Variants in UBE3A observed in about 807,000 individuals in gnomAD.
UBE3A encodes ubiquitin protein ligase E3A, also known as ubiquitin-protein ligase E3A.
A neutral mutation model predicts 83.4 loss-of-function variants in UBE3A; 6 were observed. That is an observed-to-expected ratio of 0.07 (90% CI 0.04 to 0.14). UBE3A has a LOEUF of 0.14. UBE3A is among the 10% of genes least tolerant of loss of function. The probability of loss-of-function intolerance (pLI) is 1.00; values close to 1 mark genes in which losing one functional copy is unlikely to be tolerated. For missense variants in UBE3A, 456 were observed against 1,036.1 expected, an observed-to-expected ratio of 0.44 and a Z score of 7.69; for synonymous variants, 337 against 355.4, an observed-to-expected ratio of 0.95 and a Z score of 0.58.
chr15:25,408,714 A>G, intron 3 of UBE3A: 1 of 1,541,598 alleles, frequency 6.5e-7, no homozygotes, highest in South Asian at 1.2e-5. Context: ...TAGTTTTATT[A>G]ATGTTATAAA....
At chr15:25,339,546 C>G in intron 12 of UBE3A, 1 of 296,986 alleles carries the variant, frequency 3.4e-6, no homozygotes, top group Non-Finnish European at 6.3e-6. Flanking sequence ...CTAAATCTTT[C>G]CACAACAAAA....
chr15:25,423,933 C>T (rs1253569079), intron 1 of UBE3A, among the ~76,000 whole-genome samples: 18 of 152,148 alleles, frequency 1.2e-4, no homozygotes, highest in Non-Finnish European at 1.5e-5. Context: ...TCTCACCACC[C>T]TCACTGTGAC....
chr15:25,404,637 ATCC>A (rs1322526350), intron 4 of UBE3A, among the ~76,000 whole-genome samples: 1 of 151,976 alleles, frequency 6.6e-6, no homozygotes, highest in African/African-American at 2.4e-5. Context: ...TTTCTCTTCA[ATCC>A]TTTCTCTCTT....
chr15:25,380,733 C>T (rs2082041381), intron 4 of UBE3A, among the ~76,000 whole-genome samples: 1 of 152,160 alleles, frequency 6.6e-6, no homozygotes, highest in African/African-American at 2.4e-5. Flanking sequence ...AATTTCTTCA[C>T]ATTCCATTGA....
At chr15:25,339,376 A>G in intron 12 of UBE3A, 119 bp from the exon 13 acceptor site, 2 of 1,264,000 alleles carry the variant, frequency 1.6e-6, no homozygotes, top group African/African-American at 1.5e-5. Flanking sequence ...TGCAAACTAT[A>G]CATTAATGCA....
chr15:25,384,885 G>A (rs2082837538), intron 4 of UBE3A, among the ~76,000 whole-genome samples: 1 of 152,104 alleles, frequency 6.6e-6, no homozygotes, highest in South Asian at 2.1e-4. Flanking sequence ...AACTGTATTG[G>A]GAAATCTGGA....
intron 4 of UBE3A, among the ~76,000 whole-genome samples, chr15:25,384,981 A>G (rs914873896): frequency 1.3e-5 from 2 of 152,210 alleles, no homozygotes; most frequent in African/African-American, 4.8e-5. Context: ...ACCTAAACTT[A>G]AAACATCGAA....
intron 11 of UBE3A, among the ~76,000 whole-genome samples, chr15:25,344,755 AAATGGCACCC>A (rs1180217241): frequency 1.3e-5 from 2 of 152,190 alleles, no homozygotes; most frequent in African/African-American, 4.8e-5. Flanking sequence ...CAAGGTAATC[AAATGGCACCC>A]AATGATGAGA....
At chr15:25,377,556 T>C (rs1395069123) in intron 4 of UBE3A, among the ~76,000 whole-genome samples, 1 of 152,154 alleles carries the variant, frequency 6.6e-6, no homozygotes, top group Admixed American at 6.6e-5. Context: ...TATATATTGC[T>C]ACCCTTCAGT....
Position 25,338,929 on chromosome 15 carries a change from G to T in UBE3A, c.*208C>A. The T allele has an allele frequency of 2.9e-6, 1 of 341,970 alleles. No homozygotes were observed. The allele number at this position is 341,970 out of a possible 1,614,324, so 21.2% of individuals were successfully genotyped here. ...AATAAAGGATTTGTTCATATATGTA[G>T]CTGAAATCTGCTGTTCCAGCCCACA... On this transcript the variant is annotated 3_prime_UTR_variant, in exon 13 of 13. Coordinates refer to ENST00000648336, the MANE Select transcript of UBE3A (RefSeq NM_130839.5).
intron 1 of UBE3A, among the ~76,000 whole-genome samples, chr15:25,416,053 A>G (rs2090857267): frequency 6.6e-6 from 1 of 152,164 alleles, no homozygotes; most frequent in South Asian, 2.1e-4. Context: ...TCTCTACCAG[A>G]TATTAAAACA....
intron 1 of UBE3A, among the ~76,000 whole-genome samples, chr15:25,421,645 C>A (rs1462172899): frequency 1.3e-5 from 2 of 152,066 alleles, no homozygotes; most frequent in Admixed American, 1.3e-4. Context: ...GTGGTGATGG[C>A]TGCAGAATAA....
intron 11 of UBE3A, among the ~76,000 whole-genome samples, chr15:25,341,866 T>C (rs1474677966): frequency 2.0e-5 from 3 of 152,006 alleles, no homozygotes; most frequent in Admixed American, 1.3e-4. Flanking sequence ...TTCTACCTTT[T>C]GATATTCTAA....
At chr15:25,405,127 A>G (rs2088166003) in intron 4 of UBE3A, among the ~76,000 whole-genome samples, 1 of 152,096 alleles carries the variant, frequency 6.6e-6, no homozygotes. Flanking sequence ...TCTATAACAT[A>G]GTACTTGATG....
In UBE3A at chr15:25,375,772, A is replaced by C; in HGVS notation, c.63-9T>G. ...TTGCAGCTGCTCGCTTCCTGTACCAAACATTCAAACAATAAGCACAGTGAT... is the reference window on the plus strand; with the variant it reads ...TTGCAGCTGCTCGCTTCCTGTACCACACATTCAAACAATAAGCACAGTGAT... On this transcript the variant is annotated splice_polypyrimidine_tract_variant and intron_variant, in intron 4 of 12. Transcript: ENST00000648336. 2 of 1,606,826 alleles carry C rather than the reference A, an allele frequency of 1.2e-6. No individual in the cohort carries two copies. Among genetic ancestry groups the C allele is most frequent in the Non-Finnish European group, 8.5e-7 (1 of 1,179,984 alleles).
intron 1 of UBE3A, among the ~76,000 whole-genome samples, chr15:25,415,134 A>C (rs1197840385): frequency 1.3e-5 from 2 of 151,878 alleles, no homozygotes; most frequent in Non-Finnish European, 2.9e-5. Context: ...AATATCTCTT[A>C]CTCCTTTTTT....
intron 6 of UBE3A, among the ~76,000 whole-genome samples, chr15:25,367,218 T>TATTTACATATTTGTAAATATGTAAAC: frequency 1.4e-5 from 1 of 73,964 alleles, no homozygotes; most frequent in East Asian, 5.0e-4. Context: ...AATATGTAAA[T>TATTTACATATTTGTAAATATGTAAAC]ATTTACATAT....
intron 11 of UBE3A, among the ~76,000 whole-genome samples, chr15:25,353,017 A>G (rs1389839225): frequency 2.6e-5 from 4 of 152,270 alleles, no homozygotes; most frequent in Admixed American, 2.0e-4. Context: ...ATGTTCAACT[A>G]TTCTCAGAGA....
chr15:25,357,892 A>G (rs1441663853), intron 7 of UBE3A, among the ~76,000 whole-genome samples: 1 of 146,996 alleles, frequency 6.8e-6, no homozygotes, highest in Non-Finnish European at 1.5e-5. Context: ...GCAAGCCCCA[A>G]TCATGGAGGC....
Sources: allele counts gnomAD v4.1 joint callset (sites outside exome capture counted in the v4.1 genomes callset), GRCh38; gene constraint gnomAD v4.1.1; transcripts MANE v1.5; gene names NCBI Gene and HGNC (gene_info 2026-07-23, HGNC 2026-07-21).